CAMKMT: variants seen among roughly 807,000 people sequenced by gnomAD.
CAMKMT encodes the protein CaM KMT.
A neutral mutation model predicts 48.0 loss-of-function variants in CAMKMT; 53 were observed. The ratio of observed to expected loss-of-function variants is 1.10; its 90% CI spans 0.89 to 1.39. CAMKMT has a LOEUF of 1.39. Among genes scored for constraint, CAMKMT ranks in the 40% most tolerant of loss-of-function variants. CAMKMT has a pLI of 0.00. For missense variants in CAMKMT, 428 were observed against 402.7 expected, an observed-to-expected ratio of 1.06 and a Z score of -0.54; for synonymous variants, 165 against 152.3, an observed-to-expected ratio of 1.08 and a Z score of -0.61.
chr2:44,700,949 C>T (rs1677225566), intron 3 of CAMKMT, among the ~76,000 whole-genome samples: 1 of 152,114 alleles, frequency 6.6e-6, no homozygotes, highest in East Asian at 1.9e-4. Flanking sequence ...TTTCAAGTCC[C>T]ATCTATGTTG....
intron 3 of CAMKMT, among the ~76,000 whole-genome samples, chr2:44,426,242 G>T (rs915149159): frequency 3.9e-5 from 6 of 152,158 alleles, no homozygotes; most frequent in African/African-American, 1.4e-4. Flanking sequence ...TTGGTAACTG[G>T]CAAAAGTTTC....
intron 3 of CAMKMT, among the ~76,000 whole-genome samples, chr2:44,652,914 C>A (rs181450534): frequency 6.6e-6 from 1 of 152,292 alleles, no homozygotes; most frequent in Admixed American, 6.5e-5. Context: ...AGGCCATATG[C>A]TTCTCCTCCT....
chr2:44,390,010 T>G (rs1198639125), intron 2 of CAMKMT, among the ~76,000 whole-genome samples: 1 of 152,206 alleles, frequency 6.6e-6, no homozygotes, highest in Non-Finnish European at 1.5e-5. Flanking sequence ...TGTTAGTACT[T>G]TAAGATGTAG....
At chr2:44,614,938 T>A (rs1280531579) in intron 3 of CAMKMT, among the ~76,000 whole-genome samples, 1 of 95,722 alleles carries the variant, frequency 1.0e-5, no homozygotes, top group Admixed American at 1.0e-4. Flanking sequence ...TCTCCTTGCT[T>A]TTTTTTTTTT....
At chr2:44,610,887 CA>C (rs1413662978) in intron 3 of CAMKMT, among the ~76,000 whole-genome samples, 3 of 152,100 alleles carry the variant, frequency 2.0e-5, no homozygotes, top group Non-Finnish European at 4.4e-5. Flanking sequence ...AAAACAGAAT[CA>C]AACTTTCTAA....
chr2:44,431,631 A>G (rs560726226), intron 3 of CAMKMT, among the ~76,000 whole-genome samples: 55 of 152,332 alleles, frequency 3.6e-4, no homozygotes, highest in African/African-American at 1.1e-3. Flanking sequence ...GAACCTAGGT[A>G]TTCCCAGTGC....
intron 3 of CAMKMT, among the ~76,000 whole-genome samples, chr2:44,632,586 G>A (rs1309882117): frequency 6.6e-6 from 1 of 152,106 alleles, no homozygotes; most frequent in Admixed American, 6.6e-5. Context: ...CCCTAATACA[G>A]TACAGTGATG....
At chr2:44,501,861 G>A (rs1483325274) in intron 3 of CAMKMT, among the ~76,000 whole-genome samples, 1 of 152,074 alleles carries the variant, frequency 6.6e-6, no homozygotes, top group African/African-American at 2.4e-5. Context: ...TCCAACCTGG[G>A]CAATAGAGTA....
At chr2:44,508,089 T>C (rs1203038140) in intron 3 of CAMKMT, among the ~76,000 whole-genome samples, 1 of 152,210 alleles carries the variant, frequency 6.6e-6, no homozygotes, top group African/African-American at 2.4e-5. Flanking sequence ...CTAAGTACTT[T>C]AATGTAATGA....
At chr2:44,593,064 A>G (rs888371281) in intron 3 of CAMKMT, among the ~76,000 whole-genome samples, 1 of 152,186 alleles carries the variant, frequency 6.6e-6, no homozygotes, top group Non-Finnish European at 1.5e-5. Flanking sequence ...TGTTTTGTGA[A>G]GCAGATGTGT....
chr2:44,409,106 T>TTGCTACATAAAGACA (rs1682994778), intron 3 of CAMKMT, among the ~76,000 whole-genome samples: 2 of 3,382 alleles, frequency 5.9e-4, no homozygotes, highest in African/African-American at 2.3e-3. Flanking sequence ...TATATATATA[T>TTGCTACATAAAGACA]ATATATATAT....
At chr2:44,705,175 C>T (rs1677482704) in intron 4 of CAMKMT, among the ~76,000 whole-genome samples, 1 of 152,126 alleles carries the variant, frequency 6.6e-6, no homozygotes, top group Non-Finnish European at 1.5e-5. Flanking sequence ...TATTTACCAA[C>T]CAGTCTACAA....
chr2:44,683,756 G>C (rs932513037), intron 3 of CAMKMT, among the ~76,000 whole-genome samples: 2 of 134,368 alleles, frequency 1.5e-5, no homozygotes, highest in African/African-American at 5.6e-5. Flanking sequence ...CCAGGAGGCA[G>C]AGCTTGCAGT....
intron 3 of CAMKMT, among the ~76,000 whole-genome samples, chr2:44,616,884 A>C (rs1342586112): frequency 6.6e-6 from 1 of 152,214 alleles, no homozygotes; most frequent in East Asian, 1.9e-4. Flanking sequence ...AGAAACCAGA[A>C]AACCAAAAGC....
chr2:44,414,310 T>C (rs2104488103), intron 3 of CAMKMT, among the ~76,000 whole-genome samples: 1 of 152,336 alleles, frequency 6.6e-6, no homozygotes, highest in South Asian at 2.1e-4. Flanking sequence ...GGAATTTGGG[T>C]ATGAATGGTT....
At chr2:44,585,191 A>T (rs1017222823) in intron 3 of CAMKMT, among the ~76,000 whole-genome samples, 12 of 152,222 alleles carry the variant, frequency 7.9e-5, no homozygotes, top group African/African-American at 2.9e-4. Flanking sequence ...TCTGCACTAG[A>T]TGAAATCATT....
At chr2:44,555,468 C>T (rs925348743) in intron 3 of CAMKMT, among the ~76,000 whole-genome samples, 2 of 151,948 alleles carry the variant, frequency 1.3e-5, no homozygotes, top group Non-Finnish European at 2.9e-5. Flanking sequence ...GGATGGGTTC[C>T]ATTTTAGATA....
At chr2:44,571,964 A>G (rs919534531) in intron 3 of CAMKMT, among the ~76,000 whole-genome samples, 1 of 152,232 alleles carries the variant, frequency 6.6e-6, no homozygotes, top group Non-Finnish European at 1.5e-5. Context: ...TTATTACCAA[A>G]AATCCTATTT....
intron 3 of CAMKMT, among the ~76,000 whole-genome samples, chr2:44,423,771 T>C (rs1026091405): frequency 1.3e-5 from 2 of 152,222 alleles, no homozygotes; most frequent in Non-Finnish European, 2.9e-5. Context: ...AAATAAAATA[T>C]ATTGAAGGCT....
Sources: allele counts gnomAD v4.1 joint callset (sites outside exome capture counted in the v4.1 genomes callset), GRCh38; gene constraint gnomAD v4.1.1; transcripts MANE v1.5; gene names NCBI Gene and HGNC (gene_info 2026-07-23, HGNC 2026-07-21).